The following MECOM variants were observed in gnomAD, a reference collection of about 807,000 sequenced individuals.
MECOM encodes histone-lysine N-methyltransferase MECOM.
A neutral mutation model predicts 116.3 loss-of-function variants in MECOM; 13 were observed. That is an observed-to-expected ratio of 0.11 (90% CI 0.07 to 0.18). MECOM has a LOEUF of 0.18. Ranked by LOEUF, MECOM falls within the 10% of genes least tolerant of loss-of-function variation. MECOM has a pLI of 1.00. For synonymous variants in MECOM, 528 were observed against 535.2 expected, an observed-to-expected ratio of 0.99 and a Z score of 0.19; for missense variants, 1,299 against 1,509.0, an observed-to-expected ratio of 0.86 and a Z score of 2.31.
At chr3:169,389,678 C>G in intron 1 of MECOM, 1 of 654,622 alleles carries the variant, frequency 1.5e-6, no homozygotes, top group Non-Finnish European at 1.9e-6. Flanking sequence ...TGGGTGGTTA[C>G]TCCTCAGGCA....
intron 2 of MECOM, among the ~76,000 whole-genome samples, chr3:169,329,564 T>C (rs1387596429): frequency 5.3e-5 from 8 of 152,194 alleles, no homozygotes; most frequent in African/African-American, 1.9e-4. Context: ...GGAATCCCAC[T>C]GAATGAAGCC....
At chr3:169,589,539 G>A (rs1766156689) in intron 1 of MECOM, among the ~76,000 whole-genome samples, 1 of 152,118 alleles carries the variant, frequency 6.6e-6, no homozygotes, top group Non-Finnish European at 1.5e-5. Flanking sequence ...GTAAAATGAT[G>A]TGGATGGAAA....
intron 1 of MECOM, among the ~76,000 whole-genome samples, chr3:169,469,051 A>T (rs565798782): frequency 6.6e-6 from 1 of 152,312 alleles, no homozygotes; most frequent in Admixed American, 6.5e-5. Context: ...TTAATATTCT[A>T]ATAGTAAAGA....
intron 2 of MECOM, among the ~76,000 whole-genome samples, chr3:169,288,389 T>A (rs1334076067): frequency 6.6e-6 from 1 of 152,202 alleles, no homozygotes; most frequent in African/African-American, 2.4e-5. Flanking sequence ...AAACACAACT[T>A]AATTTTGATT....
intron 2 of MECOM, among the ~76,000 whole-genome samples, chr3:169,177,486 G>A (rs1229583159): frequency 6.6e-6 from 1 of 151,998 alleles, no homozygotes; most frequent in Non-Finnish European, 1.5e-5. Flanking sequence ...AGGGCGAGGG[G>A]AAGGAACTTA....
intron 1 of MECOM, among the ~76,000 whole-genome samples, chr3:169,527,258 G>A (rs1006047286): frequency 4.6e-5 from 7 of 152,118 alleles, no homozygotes; most frequent in Non-Finnish European, 8.8e-5. Flanking sequence ...AATGGTATAG[G>A]AGAAAAAGAA....
At chr3:169,456,924 A>C (rs765171924) in intron 1 of MECOM, among the ~76,000 whole-genome samples, 4 of 152,194 alleles carry the variant, frequency 2.6e-5, no homozygotes, top group Non-Finnish European at 4.4e-5. Context: ...GACTGAAACC[A>C]GAAGAACCAC....
At chr3:169,464,062 C>G (rs1747882586) in intron 1 of MECOM, 1 of 152,276 alleles carries the variant, frequency 6.6e-6, no homozygotes, top group African/African-American at 2.4e-5. Flanking sequence ...ATGCCCACCT[C>G]ACCGGCCAAA....
intron 2 of MECOM, among the ~76,000 whole-genome samples, chr3:169,290,954 C>T (rs1182613315): frequency 6.6e-6 from 1 of 152,122 alleles, no homozygotes; most frequent in Admixed American, 6.6e-5. Context: ...ACTTACACTC[C>T]ATACTTTCAT....
At chr3:169,213,895 A>G (rs1751097578) in intron 2 of MECOM, among the ~76,000 whole-genome samples, 1 of 152,160 alleles carries the variant, frequency 6.6e-6, no homozygotes. Context: ...CTGAAGGGCT[A>G]TATATTATCT....
rs140929345 is a variant in MECOM, at chr3:169,288,298, T to C, written c.375+92889A>G. On this transcript the variant is annotated intron_variant, in intron 2 of 16. Coordinates refer to ENST00000651503, the MANE Select transcript of MECOM (RefSeq NM_004991.4). Reference sequence around the variant, plus strand: ...GGGGAATAGGCAAGAAAAATAAATATAAGAAGTACAAATCTTAGAGAAGGA... The same window carrying C: ...GGGGAATAGGCAAGAAAAATAAATACAAGAAGTACAAATCTTAGAGAAGGA... Among the ~76,000 whole-genome samples, 434 of 152,010 alleles carry C rather than the reference T, an allele frequency of 2.9e-3. 1 individual carries two copies. Among genetic ancestry groups the C allele is most frequent in the African/African-American group, 9.8e-3 (408 of 41,470 alleles).
At chr3:169,645,538 C>G (rs1024074013) in intron 1 of MECOM, among the ~76,000 whole-genome samples, 1 of 152,152 alleles carries the variant, frequency 6.6e-6, no homozygotes, top group East Asian at 1.9e-4. Flanking sequence ...GCCACCAGAT[C>G]AAAATGGTCA....
chr3:169,317,251 G>A (rs1009431744), intron 2 of MECOM, among the ~76,000 whole-genome samples: 3 of 152,144 alleles, frequency 2.0e-5, no homozygotes, highest in Admixed American at 6.5e-5. Flanking sequence ...CACTCAAAAC[G>A]AATTGAATGA....
At chr3:169,284,368 G>A (rs1712818638) in intron 2 of MECOM, among the ~76,000 whole-genome samples, 1 of 152,142 alleles carries the variant, frequency 6.6e-6, no homozygotes, top group Non-Finnish European at 1.5e-5. Flanking sequence ...TCTGGGCAGG[G>A]ATGCACTCTA....
intron 2 of MECOM, among the ~76,000 whole-genome samples, chr3:169,288,272 TG>T: frequency 6.6e-6 from 1 of 151,596 alleles, no homozygotes; most frequent in East Asian, 1.9e-4. Context: ...ACTAAAAACC[TG>T]GGGAATAGGC....
chr3:169,429,660 G>A (rs766896956), intron 1 of MECOM, among the ~76,000 whole-genome samples: 1 of 152,156 alleles, frequency 6.6e-6, no homozygotes, highest in Admixed American at 6.5e-5. Context: ...TGTAGTAACA[G>A]GTTTAATGGG....
chr3:169,168,356 G>GTTTTTTTTTTTTTTTTTTTTTTT, intron 2 of MECOM, among the ~76,000 whole-genome samples: 1 of 72,686 alleles, frequency 1.4e-5, no homozygotes. Context: ...TTTTTTTTTT[G>GTTTTTTTTTTTTTTTTTTTTTTT]GTTCCATTTC....
intron 1 of MECOM, among the ~76,000 whole-genome samples, chr3:169,590,121 T>A (rs1766236084): frequency 6.6e-6 from 1 of 152,236 alleles, no homozygotes; most frequent in African/African-American, 2.4e-5. Flanking sequence ...AGTTTGTTTT[T>A]GTTTTGGATT....
At chr3:169,456,309 G>T (rs1746486409) in intron 1 of MECOM, among the ~76,000 whole-genome samples, 1 of 152,136 alleles carries the variant, frequency 6.6e-6, no homozygotes, top group South Asian at 2.1e-4. Context: ...AGAGATGGGG[G>T]GATTTCAGTG....
Sources: allele counts gnomAD v4.1 joint callset (sites outside exome capture counted in the v4.1 genomes callset), GRCh38; gene constraint gnomAD v4.1.1; transcripts MANE v1.5; gene names NCBI Gene and HGNC (gene_info 2026-07-23, HGNC 2026-07-21).